Variants in UGGT2 observed in about 807,000 individuals in gnomAD.
UGGT2 encodes the protein UDP-glucose glycoprotein glucosyltransferase 2.
UGGT2 carries 180 observed loss-of-function variants against 192.1 expected under a neutral mutation model. The observed-to-expected ratio is 0.94, with a 90% CI of 0.83 to 1.06. The LOEUF (loss-of-function observed/expected upper bound fraction) is 1.06. Among genes scored for constraint, UGGT2 ranks in the 50% least tolerant of loss-of-function variants. The probability of loss-of-function intolerance (pLI) is 0.00; values close to 1 mark genes in which losing one functional copy is unlikely to be tolerated. For missense variants in UGGT2, 1,849 were observed against 1,795.7 expected (o/e 1.03, Z -0.54); for synonymous variants, 580 against 591.0 (o/e 0.98, Z 0.27).
Position 95,970,406 on chromosome 13 carries a change from G to A in UGGT2, c.1185-144C>T, listed in dbSNP as rs889958367. 8.8e-6 allele frequency: 6 copies of A among 685,254 alleles called. No individual in the cohort carries two copies. The African/African-American group carries it at 1.1e-4, about 12-fold the overall frequency. The allele number at this position is 685,254 out of a possible 1,614,324, so 42.4% of individuals were successfully genotyped here. ...AGGAAAAATATATTAAACTCATTAA[G>A]AAATAAGGCAAATAGTTCTAATTAG... On this transcript the variant is annotated intron_variant, in intron 11 of 38. Coordinates refer to ENST00000376747, the MANE Select transcript of UGGT2 (RefSeq NM_020121.4).
intron 26 of UGGT2, among the ~76,000 whole-genome samples, chr13:95,887,087 A>G (rs1320264205): frequency 6.6e-6 from 1 of 152,172 alleles, no homozygotes; most frequent in Non-Finnish European, 1.5e-5. Context: ...AGTTCTGCTC[A>G]AGGCAACATC....
chr13:95,915,461 A>G (rs962381744), intron 20 of UGGT2, among the ~76,000 whole-genome samples: 2 of 152,256 alleles, frequency 1.3e-5, no homozygotes, highest in African/African-American at 4.8e-5. Context: ...TTAATATTGT[A>G]AACTAATATA....
intron 29 of UGGT2, among the ~76,000 whole-genome samples, chr13:95,876,427 G>C (rs758024613): frequency 2.4e-4 from 36 of 152,288 alleles, no homozygotes; most frequent in Non-Finnish European, 4.7e-4. Context: ...TGGTTGGACA[G>C]GCTTGGAAAC....
intron 38 of UGGT2, among the ~76,000 whole-genome samples, chr13:95,820,856 T>C (rs59137404): frequency 6.6e-6 from 1 of 152,258 alleles, no homozygotes; most frequent in East Asian, 1.9e-4. Context: ...CATACGGTAT[T>C]TGACTTTCCA....
At chr13:96,004,729 AT>A (rs2051918410) in intron 5 of UGGT2, among the ~76,000 whole-genome samples, 2 of 151,016 alleles carry the variant, frequency 1.3e-5, no homozygotes, top group Admixed American at 6.6e-5. Context: ...ACAGAAAAAA[AT>A]GTAATAAAAC....
chr13:96,050,875 C>T (rs80185940), intron 1 of UGGT2, among the ~76,000 whole-genome samples: 2,887 of 152,334 alleles, frequency 0.019, 50 homozygotes, highest in Non-Finnish European at 0.029. Flanking sequence ...CACTTTTACA[C>T]TGTTGGTGGG....
chr13:95,906,484 C>A (rs115709502), intron 20 of UGGT2, among the ~76,000 whole-genome samples: 1 of 152,034 alleles, frequency 6.6e-6, no homozygotes, highest in East Asian at 1.9e-4. Flanking sequence ...ACGTGGGACA[C>A]CATTAAGCAT....
intron 12 of UGGT2, among the ~76,000 whole-genome samples, chr13:95,959,151 C>G (rs1294750200): frequency 6.6e-6 from 1 of 152,208 alleles, no homozygotes; most frequent in African/African-American, 2.4e-5. Flanking sequence ...CTGCTAGGGC[C>G]AAGGCAGAAC....
chr13:95,896,317 G>A lies in UGGT2; in HGVS notation c.2635-1013C>T, dbSNP rs536938440. The stretch of plus-strand genomic sequence containing the variant: ...ATCAAAGGTGACTAACTGGGATTTT[G>A]GCATCTCAACTAAATAAATATCATG... On this transcript the variant is annotated intron_variant, in intron 22 of 38. Transcript: ENST00000376747. 3.9e-5 allele frequency among the ~76,000 whole-genome samples: 6 copies of A among 151,968 alleles called. No homozygotes were observed. In the South Asian group the frequency reaches 1.0e-3, roughly 26 times the overall value.
chr13:95,810,004 C>G (rs987426716), intron 38 of UGGT2, among the ~76,000 whole-genome samples: 4 of 152,216 alleles, frequency 2.6e-5, no homozygotes, highest in Non-Finnish European at 5.9e-5. Flanking sequence ...GCTGCTGACA[C>G]AGCTGCAGTG....
intron 22 of UGGT2, among the ~76,000 whole-genome samples, chr13:95,895,572 A>C (rs1173263960): frequency 6.6e-6 from 1 of 152,044 alleles, no homozygotes; most frequent in African/African-American, 2.4e-5. Context: ...AGAAAGTTTT[A>C]CTTTGAAACA....
Position 95,867,437 on chromosome 13 carries a change from A to G in UGGT2, c.3474-14T>C. The G allele has an allele frequency of 6.3e-7, 1 of 1,587,514 alleles. No individual in the cohort carries two copies. The highest frequency in any genetic ancestry group is 8.6e-7 in the Non-Finnish European group (1 of 1,166,154). ...GTTCCTTCATGCCTAAAAGTAGAAAAATGTGTCCATAATTAATTTAAGAAT... is the reference window on the plus strand; with the variant it reads ...GTTCCTTCATGCCTAAAAGTAGAAAGATGTGTCCATAATTAATTTAAGAAT... On this transcript the variant is annotated splice_polypyrimidine_tract_variant and intron_variant, in intron 29 of 38. Coordinates refer to ENST00000376747, the MANE Select transcript of UGGT2 (RefSeq NM_020121.4).
intron 1 of UGGT2, among the ~76,000 whole-genome samples, chr13:96,047,129 C>G (rs1396512950): frequency 6.6e-6 from 1 of 152,170 alleles, no homozygotes; most frequent in African/African-American, 2.4e-5. Flanking sequence ...TGGTGCTTCT[C>G]CCAGCACGGA....
At chr13:95,826,438 G>T (rs1164356445) in intron 38 of UGGT2, among the ~76,000 whole-genome samples, 4 of 152,064 alleles carry the variant, frequency 2.6e-5, no homozygotes, top group African/African-American at 7.2e-5. Context: ...ATCTTTATTT[G>T]GAGATAAGAT....
At chr13:96,037,746 CTTCAACCTA>C (rs1207956438) in intron 1 of UGGT2, among the ~76,000 whole-genome samples, 1 of 152,222 alleles carries the variant, frequency 6.6e-6, no homozygotes, top group Non-Finnish European at 1.5e-5. Context: ...TGCCCAGCTC[CTTCAACCTA>C]TTCAATGCTC....
chr13:95,920,463 T>A (rs1269433756), intron 20 of UGGT2, among the ~76,000 whole-genome samples: 1 of 152,008 alleles, frequency 6.6e-6, no homozygotes, highest in Non-Finnish European at 1.5e-5. Context: ...CTGACCAAGG[T>A]CTAATATCCA....
chr13:95,898,366 C>T (rs961343939), intron 22 of UGGT2, among the ~76,000 whole-genome samples: 1 of 152,072 alleles, frequency 6.6e-6, no homozygotes, highest in Non-Finnish European at 1.5e-5. Context: ...TGGCTTCTCT[C>T]CTGCCTGCTC....
intron 17 of UGGT2, among the ~76,000 whole-genome samples, chr13:95,933,637 G>A (rs1594372424): frequency 6.6e-6 from 1 of 151,770 alleles, no homozygotes; most frequent in African/African-American, 2.4e-5. Flanking sequence ...AATTCCTCTT[G>A]GTGTGATGTT....
chr13:95,854,117 T>G (rs1323243113), intron 35 of UGGT2, among the ~76,000 whole-genome samples, 198 bp downstream of exon 35: 1 of 152,152 alleles, frequency 6.6e-6, no homozygotes, highest in Non-Finnish European at 1.5e-5. Context: ...TAACAGTATC[T>G]CAAAAGATTG....
Sources: allele counts gnomAD v4.1 joint callset (sites outside exome capture counted in the v4.1 genomes callset), GRCh38; gene constraint gnomAD v4.1.1; transcripts MANE v1.5; gene names NCBI Gene and HGNC (gene_info 2026-07-23, HGNC 2026-07-21).